Variants in ADAM11 observed in about 807,000 individuals in gnomAD.
ADAM11 encodes ADAM metallopeptidase domain 11, also known as disintegrin and metalloproteinase domain-containing protein 11.
Under a neutral mutation model 119.1 loss-of-function variants are expected in ADAM11, and 49 were observed. The observed-to-expected ratio is 0.41, with a 90% CI of 0.33 to 0.52. The LOEUF (loss-of-function observed/expected upper bound fraction) is 0.52. Ranked by LOEUF, ADAM11 falls within the 20% of genes least tolerant of loss-of-function variation. ADAM11 has a pLI of 0.20. For missense variants in ADAM11, 777 were observed against 1,047.5 expected, an observed-to-expected ratio of 0.74 and a Z score of 3.56; for synonymous variants, 364 against 408.0, an observed-to-expected ratio of 0.89 and a Z score of 1.30.
intron 4 of ADAM11, among the ~76,000 whole-genome samples, chr17:44,770,877 G>T (rs962980980): frequency 6.6e-6 from 1 of 152,190 alleles, no homozygotes. Context: ...ATCACTGGGA[G>T]GCTGAGGTGG....
rs777040181 is a variant in ADAM11, at chr17:44,772,348, G to C, written c.610+15G>C. ...CAGGGAACCAGGTAAGGGAGGGAAG[G>C]GGGGGTGGGGAGGGGCCGGCTGTGC... On this transcript the variant is annotated intron_variant, in intron 7 of 26. Transcript: ENST00000200557. This position sits in a 1 kb window ranked among gnomAD's most constrained non-coding sequence, Gnocchi z 4.5. 1.2e-5 allele frequency: 19 copies of C among 1,588,138 alleles called. No homozygotes were observed. In the African/African-American group the frequency reaches 1.5e-4, roughly 12 times the overall value.
Position 44,773,388 on chromosome 17 carries a change from A to T in ADAM11, c.953A>T (p.Glu318Val). Residue 318 changes from glutamate to valine, a missense_variant, in exon 11 of 27, where the codon GAG becomes GTG. Transcript: ENST00000200557. The surrounding 1 kb of genome is among the most constrained non-coding windows in gnomAD (Gnocchi z 4.6). ...GCCCGGCTCATGGTCTACCGACGGG[A>T]GGGTCTGCCTGAGCCCAGTGATGCC... is the stretch of plus-strand genomic sequence containing the variant. ...TLARLMVYRR[E>V]GLPEPSDATH... 6.2e-7 allele frequency: 1 copy of T among 1,613,856 alleles called. No homozygotes were observed. The highest frequency in any genetic ancestry group is 8.5e-7 in the Non-Finnish European group (1 of 1,179,952).
At chr17:44,771,856 A>G (rs1260809437) in intron 6 of ADAM11, 25 bp downstream of exon 6, 1 of 1,589,408 alleles carries the variant, frequency 6.3e-7, no homozygotes, top group African/African-American at 1.3e-5. Context: ...ACCCCTTGCC[A>G]TCCTCTCTGG....
At chr17:44,779,444 C>A (rs943377162) in intron 26 of ADAM11, 1 of 985,424 alleles carries the variant, frequency 1.0e-6, no homozygotes. Context: ...CGCCCTCGCC[C>A]GCTCAGGCCA....
chr17:44,772,293 G>A lies in ADAM11; in HGVS notation c.570G>A (p.Arg190=). The A allele has an allele frequency of 7.1e-7, 1 of 1,407,240 alleles. No individual in the cohort carries two copies. Among genetic ancestry groups the A allele is most frequent in the Non-Finnish European group, 9.5e-7 (1 of 1,052,054 alleles). The allele number at this position is 1,407,240 out of a possible 1,614,324, so 87.2% of individuals were successfully genotyped here. A position where few individuals can be genotyped will look rare whatever the true frequency, so the allele number is the denominator to read the frequency against. ...GACCCCTTCCCCACCTCATTTACCG[G>A]ACCCCTCTCCTCCCAGATCCCCTCG... ...PQGPLPHLIY[R]TPLLPDPLGC... Residue 190 remains arginine (R), a synonymous_variant, in exon 7 of 27, where the codon CGG becomes CGA. Coordinates refer to ENST00000200557, the MANE Select transcript of ADAM11 (RefSeq NM_002390.6). This position sits in a 1 kb window ranked among gnomAD's most constrained non-coding sequence, Gnocchi z 4.5.
Position 44,775,729 on chromosome 17 carries a change from G to A in ADAM11, c.1485+53G>A, listed in dbSNP as rs1598893040. The A allele has an allele frequency of 6.6e-7, 1 of 1,520,998 alleles. No homozygotes were observed. The highest frequency in any genetic ancestry group is 2.4e-5 in the East Asian group (1 of 41,304). 94.2% of individuals were successfully genotyped at this position (1,520,998 alleles called of 1,614,324 possible). A position where few individuals can be genotyped will look rare whatever the true frequency, so the allele number is the denominator to read the frequency against. On this transcript the variant is annotated intron_variant, in intron 17 of 26. Transcript: ENST00000200557. The surrounding 1 kb of genome is among the most constrained non-coding windows in gnomAD (Gnocchi z 7.5). Reference sequence around the variant, plus strand: ...CCAGGACGCAGGAGGAGCGATTGGAGGCCTTCATATAAGGGGTGGGAGCTA... The same window carrying A: ...CCAGGACGCAGGAGGAGCGATTGGAAGCCTTCATATAAGGGGTGGGAGCTA...
At chr17:44,779,434 C>T (rs913718951) in intron 26 of ADAM11, 195 bp downstream of exon 26, 8 of 985,300 alleles carry the variant, frequency 8.1e-6, no homozygotes, top group Non-Finnish European at 9.6e-6. Flanking sequence ...CAGCTGCCCT[C>T]GCCCTCGCCC....
rs747447241 is a variant in ADAM11, at chr17:44,770,069, C to T, written c.381+21C>T. The T allele has an allele frequency of 1.5e-5, 24 of 1,612,766 alleles. No homozygotes were observed. In the Admixed American group the frequency reaches 2.3e-4, roughly 16 times the overall value. On this transcript the variant is annotated intron_variant, in intron 4 of 26. Coordinates refer to ENST00000200557, the MANE Select transcript of ADAM11 (RefSeq NM_002390.6). ...GCACCGTGAGTGCCACTGCAGGGGA[C>T]CGGGGCCGGGGATGGAAGGGAGGTG...
At chr17:44,767,054 A>G (rs780967394) in intron 2 of ADAM11, among the ~76,000 whole-genome samples, 5 of 151,946 alleles carry the variant, frequency 3.3e-5, no homozygotes, top group Non-Finnish European at 5.9e-5. Context: ...AAATTAATTA[A>G]TTAATTTTAA....
At position 44,759,182 on chromosome 17, in the gene ADAM11, G is replaced by C. The variant is rs2049357901; in HGVS notation, c.-18G>C. The C allele has an allele frequency of 8.7e-7, 1 of 1,143,538 alleles. No homozygotes were observed. The highest frequency in any genetic ancestry group is 1.1e-6 in the Non-Finnish European group (1 of 920,632). The allele number at this position is 1,143,538 out of a possible 1,614,324, so 70.8% of individuals were successfully genotyped here. ...CGCTGGCAGCCGCAGCCCCCGGACC[G>C]GGAGGAATGAGCGAGCCATGAGGCT... On this transcript the variant is annotated 5_prime_UTR_variant, in exon 1 of 27. Coordinates refer to ENST00000200557, the MANE Select transcript of ADAM11 (RefSeq NM_002390.6).
Position 44,773,079 on chromosome 17 carries a change from C to A in ADAM11, c.819C>A (p.Ala273=), listed in dbSNP as rs140421831. 2.5e-6 allele frequency: 4 copies of A among 1,613,630 alleles called. No homozygotes were observed. In the African/African-American group the frequency reaches 5.3e-5, roughly 22 times the overall value. The change falls in exon 10 of 27, where the codon GCC becomes GCA. Residue 273 remains alanine (A), a synonymous_variant. Transcript: ENST00000200557. The surrounding 1 kb of genome is among the most constrained non-coding windows in gnomAD (Gnocchi z 4.6). ...TTGCCAAGTCCGTGGTGAACCTGGCCGATGTGGTAAGCAGCTCTCCCTCCC... is the reference window on the plus strand; with the variant it reads ...TTGCCAAGTCCGTGGTGAACCTGGCAGATGTGGTAAGCAGCTCTCCCTCCC... ...SNFAKSVVNL[A]DVIYKEQLNT... is the part of the protein sequence containing the mutation.
In ADAM11 at chr17:44,772,899, G is replaced by C. The variant is rs1421260058; in HGVS notation, c.721G>C (p.Val241Leu). The C allele has an allele frequency of 1.2e-6, 2 of 1,614,016 alleles. No homozygotes were observed. The highest frequency in any genetic ancestry group is 2.7e-5 in the African/African-American group (2 of 74,916). The change falls in exon 9 of 27, where the codon GTG becomes CTG. Residue 241 changes from valine (V) to leucine (L), a missense_variant. Val to Leu is a conservative substitution (Grantham distance 32, BLOSUM62 1). Around this residue, in one of 4 missense-constraint regions of ADAM11, gnomAD observed 147 missense variants for 223.3 expected, o/e 0.66. Transcript: ENST00000200557. The surrounding 1 kb of genome is among the most constrained non-coding windows in gnomAD (Gnocchi z 4.5). ...TACAGTGCACAGTGAAACCAAGTAT[G>C]TGGAGCTAATTGTGATCAACGACCA... ...HPTVHSETKY[V>L]ELIVINDHQL...
At chr17:44,769,262 G>A (rs984139054) in intron 2 of ADAM11, among the ~76,000 whole-genome samples, 22 of 152,300 alleles carry the variant, frequency 1.4e-4, no homozygotes, top group African/African-American at 5.1e-4. Context: ...GCTGGGGCCG[G>A]GGTAGGGGGA....
chr17:44,759,654 C>T, intron 1 of ADAM11, 68 bp from the exon 2 acceptor site: 2 of 1,308,292 alleles, frequency 1.5e-6, no homozygotes, highest in Non-Finnish European at 2.0e-6. Context: ...TGAGGCATGC[C>T]CACCCCATTC....
At chr17:44,763,435 T>A (rs936827811) in intron 2 of ADAM11, among the ~76,000 whole-genome samples, 2 of 152,342 alleles carry the variant, frequency 1.3e-5, no homozygotes, top group Non-Finnish European at 2.9e-5. Context: ...GATGCACCCT[T>A]GCCCTCTCTT....
chr17:44,772,970 G>A lies in ADAM11; in HGVS notation c.753+39G>A, dbSNP rs1443293914. ...CAGGGACAGGGCGTGACACTGGGAGGCCCCTGAGGAGCCTGGCCCTCCTCC... is the reference window on the plus strand; with the variant it reads ...CAGGGACAGGGCGTGACACTGGGAGACCCCTGAGGAGCCTGGCCCTCCTCC... On this transcript the variant is annotated intron_variant, in intron 9 of 26. Transcript: ENST00000200557. This position sits in a 1 kb window ranked among gnomAD's most constrained non-coding sequence, Gnocchi z 4.5. 5.0e-6 allele frequency: 8 copies of A among 1,613,910 alleles called. No homozygotes were observed. The Middle Eastern group carries it at 4.9e-4, about 99-fold the overall frequency.
chr17:44,762,733 C>G (rs975118393), intron 2 of ADAM11, among the ~76,000 whole-genome samples: 6 of 152,098 alleles, frequency 3.9e-5, no homozygotes, highest in African/African-American at 1.4e-4. Flanking sequence ...TCAGTCCCAC[C>G]TACTACCAGG....
chr17:44,770,198 G>A (rs1485236353), intron 4 of ADAM11, 150 bp downstream of exon 4: 5 of 982,838 alleles, frequency 5.1e-6, no homozygotes, highest in Non-Finnish European at 7.5e-6. Context: ...CGACCCAGGA[G>A]GCTCTGAGGG....
At position 44,759,813 on chromosome 17, in the gene ADAM11, C is replaced by T; in HGVS notation, c.153C>T (p.Ser51=). The T allele has an allele frequency of 7.6e-7, 1 of 1,319,034 alleles. No homozygotes were observed. Among genetic ancestry groups the T allele is most frequent in the South Asian group, 3.0e-5 (1 of 33,266 alleles). 81.7% of individuals were successfully genotyped at this position (1,319,034 alleles called of 1,614,324 possible). ...GAGCCCCTGAGGTCACGGAACCCAG[C>T]CGTCTGGTTAGGGAGAGCTCCGGGG... ...GPGAPEVTEP[S]RLVRESSGGE... is the part of the protein sequence containing the mutation. The change falls in exon 2 of 27, where the codon AGC becomes AGT. Residue 51 remains serine (S), a synonymous_variant. Transcript: ENST00000200557.
Sources: allele counts gnomAD v4.1 joint callset (sites outside exome capture counted in the v4.1 genomes callset), GRCh38; gene constraint gnomAD v4.1.1; regional missense constraint gnomAD v4.1.1; non-coding constraint Gnocchi (gnomAD v3.1); transcripts MANE v1.5; gene names NCBI Gene and HGNC (gene_info 2026-07-23, HGNC 2026-07-21).